The following AKAP8L variants were observed in gnomAD, a reference collection of about 807,000 sequenced individuals.
The protein encoded by AKAP8L is A-kinase anchor protein 8-like.
A neutral mutation model predicts 77.5 loss-of-function variants in AKAP8L; 34 were observed. That is an observed-to-expected ratio of 0.44 (90% confidence interval 0.33 to 0.58). The LOEUF (loss-of-function observed/expected upper bound fraction) is 0.58. Ranked by LOEUF, AKAP8L falls within the 20% of genes least tolerant of loss-of-function variation. AKAP8L has a pLI of 0.02. For synonymous variants in AKAP8L, 342 were observed against 340.7 expected, an observed-to-expected ratio of 1.00 and a Z score of -0.04; for missense variants, 806 against 887.6, an observed-to-expected ratio of 0.91 and a Z score of 1.17.
At position 15,397,913 on chromosome 19, in the gene AKAP8L, C is replaced by T; in HGVS notation, c.1158-58G>A. 1.3e-6 allele frequency: 2 copies of T among 1,576,658 alleles called. No individual in the cohort carries two copies. The highest frequency in any genetic ancestry group is 1.7e-6 in the Non-Finnish European group (2 of 1,161,214). ...GCAAGTGTCCCAGGGGATAGTGCTGCCGCCTCACCCAACCCAGACACAAGC... is the reference window on the plus strand; with the variant it reads ...GCAAGTGTCCCAGGGGATAGTGCTGTCGCCTCACCCAACCCAGACACAAGC... On this transcript the variant is annotated intron_variant, in intron 9 of 13. Coordinates refer to ENST00000397410, the MANE Select transcript of AKAP8L (RefSeq NM_014371.4). This position sits in a 1 kb window ranked among gnomAD's most constrained non-coding sequence, Gnocchi z 4.7.
In AKAP8L at chr19:15,399,419, G is replaced by A. The variant is rs1351991987; in HGVS notation, c.1049-9C>T. ...CTGGGTGGTTAGGGCCCCTGTGGGA[G>A]CAGATGGGCACTGTCACCAATTTGG... On this transcript the variant is annotated splice_polypyrimidine_tract_variant and intron_variant, in intron 8 of 13. Coordinates refer to ENST00000397410, the MANE Select transcript of AKAP8L (RefSeq NM_014371.4). The surrounding 1 kb of genome is among the most constrained non-coding windows in gnomAD (Gnocchi z 6.1). 1.9e-6 allele frequency: 3 copies of A among 1,607,308 alleles called. No homozygotes were observed. The highest frequency in any genetic ancestry group is 1.7e-5 in the Admixed American group (1 of 60,010).
intron 1 of AKAP8L, among the ~76,000 whole-genome samples, chr19:15,417,165 T>C (rs918654285): frequency 6.6e-6 from 1 of 152,130 alleles, no homozygotes; most frequent in African/African-American, 2.4e-5. Context: ...TCCTCATCTA[T>C]TAAAAAAAAG....
rs1967932138 is a variant in AKAP8L, at chr19:15,403,186, TG to T, written c.362+288del. On this transcript the variant is annotated intron_variant, in intron 4 of 13. Transcript: ENST00000397410. The surrounding 1 kb of genome is among the most constrained non-coding windows in gnomAD (Gnocchi z 4.3). ...GGCTGTCCTTGGAGGGAGGGGTGGCTGAACACTCTGTTTTTGAGGGCACAGT... is the reference window on the plus strand; with the variant it reads ...GGCTGTCCTTGGAGGGAGGGGTGGCTAACACTCTGTTTTTGAGGGCACAGT... 3.1e-5 allele frequency: 14 copies of T among 458,280 alleles called. No individual in the cohort carries two copies. The East Asian group carries it at 6.2e-4, about 20-fold the overall frequency. The allele number at this position is 458,280 out of a possible 1,614,324, so 28.4% of individuals were successfully genotyped here. A position where few individuals can be genotyped will look rare whatever the true frequency, so the allele number is the denominator to read the frequency against.
chr19:15,402,316 T>C (rs1967916442), intron 4 of AKAP8L, among the ~76,000 whole-genome samples: 1 of 152,082 alleles, frequency 6.6e-6, no homozygotes, highest in South Asian at 2.1e-4. Context: ...CTTTTAACCG[T>C]GACTGCAGCC....
At chr19:15,386,851 G>T (rs1251877816) in intron 12 of AKAP8L, among the ~76,000 whole-genome samples, 1 of 152,134 alleles carries the variant, frequency 6.6e-6, no homozygotes, top group Non-Finnish European at 1.5e-5. Context: ...TAAAGATGGG[G>T]TTTCACGATG....
chr19:15,402,986 G>A (rs1407568680), intron 4 of AKAP8L, among the ~76,000 whole-genome samples: 1 of 152,158 alleles, frequency 6.6e-6, no homozygotes, highest in Non-Finnish European at 1.5e-5. Context: ...TCAGGTACAT[G>A]TTTGTAAGGC....
chr19:15,403,204 G>C lies in AKAP8L; in HGVS notation c.362+271C>G. The stretch of plus-strand genomic sequence containing the variant: ...GGGTGGCTGAACACTCTGTTTTTGA[G>C]GGCACAGTGAAGTCTGCCCAGTCTG... On this transcript the variant is annotated intron_variant, in intron 4 of 13. Transcript: ENST00000397410. The surrounding 1 kb of genome is among the most constrained non-coding windows in gnomAD (Gnocchi z 4.3). 2.0e-6 allele frequency: 1 copy of C among 496,268 alleles called. No individual in the cohort carries two copies. The highest frequency in any genetic ancestry group is 2.1e-5 in the South Asian group (1 of 48,078). 30.7% of individuals were successfully genotyped at this position (496,268 alleles called of 1,614,324 possible). A position where few individuals can be genotyped will look rare whatever the true frequency, so the allele number is the denominator to read the frequency against.
chr19:15,408,529 C>T (rs1968044626), intron 2 of AKAP8L, among the ~76,000 whole-genome samples: 2 of 144,226 alleles, frequency 1.4e-5, no homozygotes, highest in African/African-American at 5.1e-5. Context: ...CGCCATTGCA[C>T]TCCAGCCTGG....
At chr19:15,393,737 A>G (rs568574618) in intron 12 of AKAP8L, among the ~76,000 whole-genome samples, 3 of 152,102 alleles carry the variant, frequency 2.0e-5, no homozygotes, top group South Asian at 2.1e-4. Context: ...ACTGACCAAC[A>G]TGGAGAAACC....
chr19:15,399,274 G>A lies in AKAP8L; in HGVS notation c.1157+28C>T. The A allele has an allele frequency of 6.3e-7, 1 of 1,584,844 alleles. No individual in the cohort carries two copies. Among genetic ancestry groups the A allele is most frequent in the South Asian group, 1.1e-5 (1 of 90,480 alleles). On this transcript the variant is annotated intron_variant, in intron 9 of 13. Transcript: ENST00000397410. This position sits in a 1 kb window ranked among gnomAD's most constrained non-coding sequence, Gnocchi z 6.1. ...GGCGGCAGCCCCACAGCGAGGCAGA[G>A]GCAGAGGGGTGGAGGGAAGCTGGTT... is the stretch of plus-strand genomic sequence containing the variant.
At chr19:15,385,851 A>G (rs1967523225) in intron 12 of AKAP8L, among the ~76,000 whole-genome samples, 1 of 150,760 alleles carries the variant, frequency 6.6e-6, no homozygotes, top group Admixed American at 6.6e-5. Context: ...CTCCCACCTC[A>G]GTCTCCCCAA....
rs1967798295 is a variant in AKAP8L at position 15,397,395 on chromosome 19, G to A, written c.1406-115C>T. The A allele has an allele frequency of 1.3e-6, 2 of 1,505,384 alleles. No homozygotes were observed. Among genetic ancestry groups the A allele is most frequent in the Non-Finnish European group, 1.8e-6 (2 of 1,100,326 alleles). 93.3% of individuals were successfully genotyped at this position (1,505,384 alleles called of 1,614,324 possible). ...AACTCGCCCTGCCACTTCCACCTGG[G>A]CCTGAGCCAAGGCTGGTCTCCTGAC... On this transcript the variant is annotated intron_variant, in intron 11 of 13. Transcript: ENST00000397410. The surrounding 1 kb of genome is among the most constrained non-coding windows in gnomAD (Gnocchi z 4.7).
chr19:15,399,318 C>T lies in AKAP8L; in HGVS notation c.1141G>A (p.Asp381Asn). Residue 381 changes from aspartate (D) to asparagine (N), a missense_variant, in exon 9 of 14, where the codon GAC becomes AAC. Physicochemically the swap from Asp to Asn is conservative, Grantham distance 23. Transcript: ENST00000397410. This position sits in a 1 kb window ranked among gnomAD's most constrained non-coding sequence, Gnocchi z 6.1. The stretch of plus-strand genomic sequence containing the variant: ...GCTGGTTACCTTTCCACCATGCGGT[C>T]TCGCTGCCGCTTTTTCTGCTTGTCC... ...SQDKQKKRQR[D>N]RMVERIQFVC... is the part of the protein sequence containing the mutation. The T allele has an allele frequency of 1.2e-6, 2 of 1,613,880 alleles. No homozygotes were observed. Among genetic ancestry groups the T allele is most frequent in the Non-Finnish European group, 1.7e-6 (2 of 1,179,820 alleles).
chr19:15,415,612 C>A (rs576754529), intron 1 of AKAP8L, among the ~76,000 whole-genome samples: 4 of 152,036 alleles, frequency 2.6e-5, no homozygotes, highest in Non-Finnish European at 5.9e-5. Flanking sequence ...GTCAGCCGGG[C>A]GCAGTGGCTC....
In AKAP8L at chr19:15,380,084, G is replaced by T; in HGVS notation, c.*38C>A. On this transcript the variant is annotated 3_prime_UTR_variant, in exon 14 of 14. Transcript: ENST00000397410. Reference sequence around the variant, plus strand: ...AAAACTTTATTAGGTTTGGTTTCCAGCTTCGGCCACGCGGGCTCCGCCCGC... The same window carrying T: ...AAAACTTTATTAGGTTTGGTTTCCATCTTCGGCCACGCGGGCTCCGCCCGC... 1 of 1,446,850 alleles carries T rather than the reference G, an allele frequency of 6.9e-7. No homozygotes were observed. The highest frequency in any genetic ancestry group is 1.4e-5 in the South Asian group (1 of 73,622). The allele number at this position is 1,446,850 out of a possible 1,614,324, so 89.6% of individuals were successfully genotyped here.
chr19:15,410,364 T>C (rs2058323), intron 2 of AKAP8L, among the ~76,000 whole-genome samples, 156 bp downstream of exon 2: 123,604 of 152,210 alleles, frequency 0.81, 50,603 homozygotes, highest in East Asian at 0.99. Flanking sequence ...CATAATTGCC[T>C]GAAAGGGAAG....
intron 2 of AKAP8L, among the ~76,000 whole-genome samples, chr19:15,406,654 A>G (rs968711634): frequency 6.6e-6 from 1 of 151,750 alleles, no homozygotes; most frequent in Admixed American, 6.6e-5. Context: ...TTTTGTAGAG[A>G]TAGGGTTTTA....
chr19:15,407,760 G>C (rs1319868696), intron 2 of AKAP8L, among the ~76,000 whole-genome samples: 1 of 152,184 alleles, frequency 6.6e-6, no homozygotes, highest in African/African-American at 2.4e-5. Flanking sequence ...CTGCACTCAT[G>C]AATCAGAAGA....
intron 1 of AKAP8L, among the ~76,000 whole-genome samples, chr19:15,418,116 CT>C (rs1294607886): frequency 1.3e-5 from 2 of 152,238 alleles, no homozygotes; most frequent in Admixed American, 6.5e-5. Flanking sequence ...AATGTCACCT[CT>C]TTACAGAAGG....
Sources: allele counts gnomAD v4.1 joint callset (sites outside exome capture counted in the v4.1 genomes callset), GRCh38; gene constraint gnomAD v4.1.1; non-coding constraint Gnocchi (gnomAD v3.1); transcripts MANE v1.5; gene names NCBI Gene and HGNC (gene_info 2026-07-23, HGNC 2026-07-21).